Variants in PLXDC2 observed in about 807,000 individuals in gnomAD.
PLXDC2 encodes plexin domain-containing protein 2.
In PLXDC2, 40 loss-of-function variants were observed where a neutral mutation model predicts 68.9. The ratio of observed to expected loss-of-function variants is 0.58; its 90% CI spans 0.45 to 0.76. PLXDC2 has a LOEUF of 0.76. Among genes scored for constraint, PLXDC2 ranks in the 30% least tolerant of loss-of-function variants. The pLI is 0.00. For missense variants in PLXDC2, 644 were observed against 661.9 expected, an observed-to-expected ratio of 0.97 and a Z score of 0.30; for synonymous variants, 243 against 234.2, an observed-to-expected ratio of 1.04 and a Z score of -0.34.
chr10:19,956,863 C>T (rs1834078517), intron 1 of PLXDC2, among the ~76,000 whole-genome samples: 1 of 152,076 alleles, frequency 6.6e-6, no homozygotes, highest in African/African-American at 2.4e-5. Context: ...TGCTTTACAC[C>T]CATAGGTTAC....
chr10:20,042,265 T>C (rs1835696224), intron 2 of PLXDC2, among the ~76,000 whole-genome samples: 1 of 152,174 alleles, frequency 6.6e-6, no homozygotes, highest in Non-Finnish European at 1.5e-5. Context: ...AGCATGTTTT[T>C]TTCTTAGAAC....
intron 12 of PLXDC2, among the ~76,000 whole-genome samples, chr10:20,231,985 G>A (rs1035720927): frequency 6.7e-6 from 1 of 149,028 alleles, no homozygotes; most frequent in Non-Finnish European, 1.5e-5. Context: ...CAACCTGGGT[G>A]ACAGAACAGG....
intron 4 of PLXDC2, among the ~76,000 whole-genome samples, chr10:20,121,890 A>G (rs1396114847): frequency 3.9e-5 from 6 of 152,170 alleles, no homozygotes; most frequent in South Asian, 4.1e-4. Context: ...CTTTCAAAGC[A>G]TGCTGTGGGA....
Position 19,907,176 on chromosome 10 carries a change from G to T in PLXDC2, c.112+89985G>T, listed in dbSNP as rs143604330. ...GAAGTAGAATTTTATTTTCTTGAGC[G>T]CTAAGAGCCTGAAATTCTAGCCTTA... On this transcript the variant is annotated intron_variant, in intron 1 of 13. Coordinates refer to ENST00000377252, the MANE Select transcript of PLXDC2 (RefSeq NM_032812.9). Among the ~76,000 whole-genome samples, 36 of 152,124 alleles carry T rather than the reference G, an allele frequency of 2.4e-4. No homozygotes were observed. The East Asian group carries it at 6.8e-3, about 29-fold the overall frequency.
intron 1 of PLXDC2, among the ~76,000 whole-genome samples, chr10:19,835,128 T>G (rs1488441197): frequency 1.3e-5 from 2 of 152,114 alleles, no homozygotes; most frequent in Non-Finnish European, 2.9e-5. Flanking sequence ...AGGCACAAGA[T>G]TAGGAAGGGC....
chr10:20,204,951 A>G (rs889409790), intron 9 of PLXDC2, among the ~76,000 whole-genome samples: 1 of 152,310 alleles, frequency 6.6e-6, no homozygotes, highest in Admixed American at 6.5e-5. Context: ...CGCTGGTGGA[A>G]TGAAACATGT....
intron 1 of PLXDC2, among the ~76,000 whole-genome samples, chr10:19,819,931 A>G (rs376534859): frequency 6.6e-6 from 1 of 152,376 alleles, no homozygotes; most frequent in East Asian, 1.9e-4. Flanking sequence ...ATTTATTGTA[A>G]AATGGACATC....
intron 1 of PLXDC2, among the ~76,000 whole-genome samples, chr10:19,967,637 T>C (rs1235055989): frequency 1.3e-5 from 2 of 152,158 alleles, no homozygotes; most frequent in South Asian, 2.1e-4. Flanking sequence ...TAAAATCAGC[T>C]GAAGATTCCA....
intron 12 of PLXDC2, among the ~76,000 whole-genome samples, chr10:20,232,653 T>G (rs908792750): frequency 3.9e-5 from 6 of 152,198 alleles, no homozygotes; most frequent in Non-Finnish European, 7.3e-5. Flanking sequence ...ATTCAATTTA[T>G]GTGAATTTCA....
intron 1 of PLXDC2, among the ~76,000 whole-genome samples, chr10:19,885,085 G>T (rs1020592499): frequency 2.7e-4 from 41 of 152,196 alleles, no homozygotes; most frequent in African/African-American, 9.4e-4. Flanking sequence ...GTTTTGATTT[G>T]CATTTCTCTG....
At chr10:20,114,552 G>C (rs1833598691) in intron 4 of PLXDC2, among the ~76,000 whole-genome samples, 1 of 152,204 alleles carries the variant, frequency 6.6e-6, no homozygotes, top group Non-Finnish European at 1.5e-5. Flanking sequence ...AGTGTGAGAA[G>C]ACCTGTAACA....
intron 1 of PLXDC2, among the ~76,000 whole-genome samples, chr10:19,830,684 AC>A (rs963367023): frequency 5.7e-5 from 7 of 122,280 alleles, no homozygotes; most frequent in East Asian, 2.9e-4. Context: ...GTGTATCTTC[AC>A]CCCTGGACCT....
intron 3 of PLXDC2, among the ~76,000 whole-genome samples, chr10:20,054,879 GGATA>G (rs1244781607): frequency 1.3e-5 from 2 of 151,948 alleles, no homozygotes; most frequent in African/African-American, 4.8e-5. Flanking sequence ...ATAGATGGAT[GGATA>G]GATAGGTAAA....
At chr10:20,136,624 A>G (rs1833936612) in intron 4 of PLXDC2, among the ~76,000 whole-genome samples, 1 of 152,230 alleles carries the variant, frequency 6.6e-6, no homozygotes, top group Admixed American at 6.5e-5. Context: ...TGGATAAAAG[A>G]TCATAAATTT....
intron 6 of PLXDC2, among the ~76,000 whole-genome samples, chr10:20,160,457 G>A (rs901393337): frequency 2.6e-5 from 4 of 151,872 alleles, no homozygotes; most frequent in African/African-American, 4.8e-5. Context: ...AGTTTGTATC[G>A]TTGTTAACAA....
chr10:20,035,582 G>C (rs527366324), intron 2 of PLXDC2, among the ~76,000 whole-genome samples: 1 of 152,092 alleles, frequency 6.6e-6, no homozygotes, highest in African/African-American at 2.4e-5. Context: ...TGTAATCCCA[G>C]CTACTCCCTA....
intron 12 of PLXDC2, 120 bp downstream of exon 12, chr10:20,219,222 C>T (rs533946003): frequency 2.8e-5 from 30 of 1,059,066 alleles, no homozygotes; most frequent in African/African-American, 2.2e-4. Flanking sequence ...TTTTATTCTC[C>T]GTTGGGATTT....
At chr10:19,968,377 A>G (rs1834299217) in intron 1 of PLXDC2, among the ~76,000 whole-genome samples, 1 of 152,066 alleles carries the variant, frequency 6.6e-6, no homozygotes, top group Non-Finnish European at 1.5e-5. Context: ...CAGTGGCACG[A>G]TCTCCGCTCC....
At chr10:20,096,949 A>T (rs1274321512) in intron 4 of PLXDC2, among the ~76,000 whole-genome samples, 1 of 152,076 alleles carries the variant, frequency 6.6e-6, no homozygotes, top group East Asian at 1.9e-4. Flanking sequence ...TTCTTAAGTT[A>T]CTCTGAATAA....
Sources: allele counts gnomAD v4.1 joint callset (sites outside exome capture counted in the v4.1 genomes callset), GRCh38; gene constraint gnomAD v4.1.1; transcripts MANE v1.5; gene names NCBI Gene and HGNC (gene_info 2026-07-23, HGNC 2026-07-21).